Variants in MAP2K1 observed in about 807,000 individuals in gnomAD.
The protein encoded by MAP2K1 is mitogen-activated protein kinase kinase 1, also known as dual specificity mitogen-activated protein kinase kinase 1.
MAP2K1 carries 16 observed loss-of-function variants against 46.3 expected under a neutral mutation model. The ratio of observed to expected loss-of-function variants is 0.35; its 90% CI spans 0.23 to 0.52. The LOEUF is 0.52. MAP2K1 is among the 20% of genes least tolerant of loss of function. The probability of loss-of-function intolerance (pLI) is 0.94; values close to 1 mark genes in which losing one functional copy is unlikely to be tolerated. For missense variants in MAP2K1, 263 were observed against 497.1 expected, an observed-to-expected ratio of 0.53 and a Z score of 4.48; for synonymous variants, 183 against 185.6, an observed-to-expected ratio of 0.99 and a Z score of 0.11.
At chr15:66,469,010 C>A (rs1892541212) in intron 5 of MAP2K1, among the ~76,000 whole-genome samples, 1 of 148,294 alleles carries the variant, frequency 6.7e-6, no homozygotes, top group Non-Finnish European at 1.5e-5. Flanking sequence ...GTAACCTCAG[C>A]ACTTTGGGAG....
At position 66,449,019 on chromosome 15, in the gene MAP2K1, A is replaced by AAG. The variant is rs1555417277; in HGVS notation, c.568+4313_568+4314insGA. Among the ~76,000 whole-genome samples, 5 of 150,936 alleles carry AAG rather than the reference A, an allele frequency of 3.3e-5. No homozygotes were observed. The East Asian group carries it at 9.6e-4, about 29-fold the overall frequency. On this transcript the variant is annotated intron_variant, in intron 5 of 10. Transcript: ENST00000307102. ...ACACTGTCTCAAAAAAAAAAAAAAA[A>AAG]AAAAAAAAACAACAACAACCAAAAA...
intron 5 of MAP2K1, among the ~76,000 whole-genome samples, chr15:66,461,379 A>T (rs1892314918): frequency 6.6e-6 from 1 of 151,976 alleles, no homozygotes; most frequent in South Asian, 2.1e-4. Context: ...CAGCAGGCTT[A>T]GGCACGAGAC....
intron 7 of MAP2K1, among the ~76,000 whole-genome samples, chr15:66,485,393 A>G (rs1176230111): frequency 2.6e-5 from 4 of 152,218 alleles, no homozygotes; most frequent in Admixed American, 2.6e-4. Context: ...TTTGTTGAGT[A>G]CGTACTATGT....
At chr15:66,394,753 G>C (rs1299000017) in intron 1 of MAP2K1, among the ~76,000 whole-genome samples, 1 of 152,122 alleles carries the variant, frequency 6.6e-6, no homozygotes, top group Non-Finnish European at 1.5e-5. Flanking sequence ...TGTCTGGCCT[G>C]ATAAGTAGGA....
chr15:66,489,576 T>A, intron 9 of MAP2K1, 142 bp from the exon 10 acceptor site: 1 of 790,510 alleles, frequency 1.3e-6, no homozygotes, highest in Middle Eastern at 2.3e-4. Context: ...GTGGGCATGA[T>A]ACTGTGCTTA....
At chr15:66,456,443 G>A (rs898951841) in intron 5 of MAP2K1, among the ~76,000 whole-genome samples, 1 of 152,142 alleles carries the variant, frequency 6.6e-6, no homozygotes, top group African/African-American at 2.4e-5. Flanking sequence ...CCAGGAGGTC[G>A]GAAGGCAGGG....
intron 1 of MAP2K1, among the ~76,000 whole-genome samples, chr15:66,426,924 T>TA (rs1235346328): frequency 1.2e-4 from 18 of 152,360 alleles, no homozygotes; most frequent in African/African-American, 4.1e-4. Flanking sequence ...GCATAGTGGT[T>TA]AGCTTCTCGT....
chr15:66,393,680 T>G (rs917046379), intron 1 of MAP2K1, among the ~76,000 whole-genome samples: 2 of 152,230 alleles, frequency 1.3e-5, no homozygotes, highest in African/African-American at 4.8e-5. Flanking sequence ...ACCAGGTCCT[T>G]AGTTTTCTTC....
chr15:66,470,094 GTTTTTTT>G lies in MAP2K1; in HGVS notation c.569-11643_569-11637del, dbSNP rs55637393. Among the ~76,000 whole-genome samples the G allele has an allele frequency of 4.0e-3, 310 of 76,626 alleles. 4 individuals are homozygous for G. The highest frequency in any genetic ancestry group is 0.014 in the African/African-American group (297 of 21,080). The allele number at this position is 76,626 out of a possible 152,430, so 50.3% of individuals were successfully genotyped here. On this transcript the variant is annotated intron_variant, in intron 5 of 10. Transcript: ENST00000307102. ...CTCCACCATGCCACTTTTTTTTCTTGTTTTTTTTTTTTTTTTTTTTTTTTGTGGGAAT... is the reference window on the plus strand; with the variant it reads ...CTCCACCATGCCACTTTTTTTTCTTGTTTTTTTTTTTTTTTTTGTGGGAAT...
chr15:66,436,026 T>A (rs954498615), intron 2 of MAP2K1, among the ~76,000 whole-genome samples: 13 of 152,204 alleles, frequency 8.5e-5, no homozygotes, highest in Admixed American at 3.9e-4. Context: ...GAGGTTGGGC[T>A]CTTCAATGTT....
intron 1 of MAP2K1, among the ~76,000 whole-genome samples, chr15:66,429,957 C>G (rs963234414): frequency 6.6e-6 from 1 of 152,146 alleles, no homozygotes; most frequent in Non-Finnish European, 1.5e-5. Context: ...CCTCAGATTA[C>G]TGTCACATTG....
intron 1 of MAP2K1, among the ~76,000 whole-genome samples, chr15:66,424,684 C>A (rs2093452518): frequency 1.3e-5 from 2 of 151,696 alleles, no homozygotes; most frequent in Non-Finnish European, 1.5e-5. Context: ...GGGACTCTTT[C>A]TCTACACTCT....
intron 5 of MAP2K1, among the ~76,000 whole-genome samples, chr15:66,462,142 CTG>C (rs1239080784): frequency 2.0e-5 from 3 of 152,194 alleles, no homozygotes; most frequent in East Asian, 1.9e-4. Context: ...CACATGAGGT[CTG>C]GGATTTGCCT....
intron 1 of MAP2K1, among the ~76,000 whole-genome samples, chr15:66,393,645 A>G (rs761075467): frequency 5.3e-5 from 8 of 152,322 alleles, no homozygotes; most frequent in Non-Finnish European, 1.2e-4. Context: ...AATCTTTACC[A>G]TGGTGGCCTA....
intron 1 of MAP2K1, among the ~76,000 whole-genome samples, chr15:66,413,911 C>CTTTTTTTTTTTTTTTTTCTTTTTTTT (rs10649963): frequency 9.0e-6 from 1 of 111,538 alleles, no homozygotes. Context: ...TCTTCTTCTT[C>CTTTTTTTTTTTTTTTTTCTTTTTTTT]TTTTTTTTTT....
At position 66,432,959 on chromosome 15, in the gene MAP2K1, AGTGTGTGTGTGT is replaced by A. The variant is rs1164509967; in HGVS notation, c.81-2037_81-2026del. Reference sequence around the variant, plus strand: ...CTCCTTCCATTCCCCCATCATGCACAGTGTGTGTGTGTGTGTGTGTGTGTGTGTGTGTGTGTG... The same window carrying A: ...CTCCTTCCATTCCCCCATCATGCACAGTGTGTGTGTGTGTGTGTGTGTGTG... On this transcript the variant is annotated intron_variant, in intron 1 of 10. Coordinates refer to ENST00000307102, the MANE Select transcript of MAP2K1 (RefSeq NM_002755.4). 3.3e-3 allele frequency among the ~76,000 whole-genome samples: 442 copies of A among 131,996 alleles called. 1 individual carries two copies. Among genetic ancestry groups the A allele is most frequent in the African/African-American group, 0.011 (400 of 35,466 alleles). 86.6% of individuals were successfully genotyped at this position (131,996 alleles called of 152,430 possible).
intron 5 of MAP2K1, among the ~76,000 whole-genome samples, chr15:66,459,271 A>G (rs984883509): frequency 2.1e-5 from 3 of 142,436 alleles, no homozygotes; most frequent in Non-Finnish European, 4.5e-5. Flanking sequence ...CAAAATCGCC[A>G]CTGCACTCCA....
intron 1 of MAP2K1, among the ~76,000 whole-genome samples, chr15:66,399,982 T>G (rs986326103): frequency 1.3e-5 from 2 of 152,210 alleles, no homozygotes; most frequent in Admixed American, 6.5e-5. Context: ...GCTTCTTGCA[T>G]AAGTACTTTA....
chr15:66,400,776 T>A (rs1286817526), intron 1 of MAP2K1, among the ~76,000 whole-genome samples: 2 of 152,186 alleles, frequency 1.3e-5, no homozygotes, highest in African/African-American at 2.4e-5. Flanking sequence ...TGATCCTGAC[T>A]CTGATTTCGC....
Sources: gnomAD v4.1 joint callset for allele counts (sites outside exome capture counted in the v4.1 genomes callset) on GRCh38, gnomAD v4.1.1 for gene constraint, MANE v1.5 for transcripts, NCBI Gene and HGNC (gene_info 2026-07-23, HGNC 2026-07-21) for gene names.